The following CUBN variants were observed in gnomAD, a reference collection of about 807,000 sequenced individuals.
CUBN encodes 460 kDa receptor.
Under a neutral mutation model 405.3 loss-of-function variants are expected in CUBN, and 282 were observed. The ratio of observed to expected loss-of-function variants is 0.70; its 90% CI spans 0.63 to 0.77. CUBN has a LOEUF of 0.77. CUBN is among the 30% of genes least tolerant of loss of function. The pLI, the probability that CUBN is intolerant of heterozygous loss-of-function variation, is 0.00. For synonymous variants in CUBN, 1,684 were observed against 1,617.0 expected (o/e 1.04, Z -0.99); for missense variants, 4,514 against 4,475.2 (o/e 1.01, Z -0.25).
intron 57 of CUBN, among the ~76,000 whole-genome samples, chr10:16,876,452 T>C (rs1840503900): frequency 1.3e-5 from 2 of 152,166 alleles, no homozygotes; most frequent in African/African-American, 2.4e-5. Context: ...TTGGGCATAG[T>C]GTTTTAAAAA....
chr10:16,907,547 C>A lies in CUBN; in HGVS notation c.7666G>T (p.Gly2556Cys). Reference protein sequence around the residue: ...IFFTDGSRPYGGFTASYTSSE... With the variant: ...IFFTDGSRPYCGFTASYTSSE... ...GAGGTATAGGAAGCAGTGAAGCCGC[C>A]ATATGGCCTGGATCCATCCGTGAAA... The change falls in exon 49 of 67, where the codon GGC becomes TGC. Residue 2556 changes from glycine to cysteine, a missense_variant. Coordinates refer to ENST00000377833, the MANE Select transcript of CUBN (RefSeq NM_001081.4). The A allele has an allele frequency of 2.5e-6, 4 of 1,614,126 alleles. No individual in the cohort carries two copies. The Admixed American group carries it at 6.7e-5, about 27-fold the overall frequency.
intron 2 of CUBN, 46 bp downstream of exon 2, chr10:17,129,075 G>A (rs183642377): frequency 1.3e-4 from 192 of 1,501,728 alleles, no homozygotes; most frequent in Admixed American, 5.5e-4. Flanking sequence ...TTAAGTCACC[G>A]TATATGGATA....
At chr10:17,128,892 A>C (rs1358106105) in intron 2 of CUBN, among the ~76,000 whole-genome samples, 2 of 152,214 alleles carry the variant, frequency 1.3e-5, no homozygotes, top group Non-Finnish European at 1.5e-5. Context: ...AATAACTAGA[A>C]GAGAACAATT....
intron 31 of CUBN, among the ~76,000 whole-genome samples, chr10:16,971,814 A>T (rs1707286): frequency 0.82 from 123,467 of 151,156 alleles, 51,198 homozygotes; most frequent in Non-Finnish European, 0.9. Context: ...CATTTTTTTT[A>T]AAAAACCAAC....
chr10:17,092,072 C>G (rs992139424), intron 14 of CUBN, among the ~76,000 whole-genome samples: 2 of 152,122 alleles, frequency 1.3e-5, no homozygotes, highest in Non-Finnish European at 2.9e-5. Context: ...ATCTTCCTGG[C>G]AAACCCCACA....
intron 36 of CUBN, among the ~76,000 whole-genome samples, chr10:16,943,311 G>A (rs1321044245): frequency 1.3e-5 from 2 of 152,160 alleles, no homozygotes; most frequent in East Asian, 1.9e-4. Flanking sequence ...AGACTAGATG[G>A]AATTTTCACA....
intron 28 of CUBN, among the ~76,000 whole-genome samples, chr10:17,014,574 T>G (rs1392133643): frequency 6.6e-6 from 1 of 152,222 alleles, no homozygotes; most frequent in Admixed American, 6.5e-5. Context: ...CTGGTCCCTC[T>G]GGCTAAGATT....
chr10:16,888,272 G>A, intron 56 of CUBN, 145 bp downstream of exon 56: 1 of 683,028 alleles, frequency 1.5e-6, no homozygotes, highest in African/African-American at 1.8e-5. Context: ...CACAAAAAGT[G>A]CTAAGTAAGT....
chr10:16,982,402 A>G lies in CUBN; in HGVS notation c.4695+82T>C. The G allele has an allele frequency of 1.6e-6, 2 of 1,222,592 alleles. 1 individual carries two copies. The highest frequency in any genetic ancestry group is 2.4e-6 in the Non-Finnish European group (2 of 831,484). 75.7% of individuals were successfully genotyped at this position (1,222,592 alleles called of 1,614,324 possible). A position where few individuals can be genotyped will look rare whatever the true frequency, so the allele number is the denominator to read the frequency against. On this transcript the variant is annotated intron_variant, in intron 31 of 66. Coordinates refer to ENST00000377833, the MANE Select transcript of CUBN (RefSeq NM_001081.4). ...TCGACATTAAAAACACCCATAAGTAATACATTCACTAAATATGCTTATATG... is the reference window on the plus strand; with the variant it reads ...TCGACATTAAAAACACCCATAAGTAGTACATTCACTAAATATGCTTATATG...
At chr10:17,067,550 G>A (rs1187229517) in intron 21 of CUBN, among the ~76,000 whole-genome samples, 1 of 152,102 alleles carries the variant, frequency 6.6e-6, no homozygotes, top group Non-Finnish European at 1.5e-5. Flanking sequence ...CATGAAATCA[G>A]AGTCCCTAAT....
At chr10:17,008,354 G>T (rs543116029) in intron 28 of CUBN, among the ~76,000 whole-genome samples, 4,210 of 125,434 alleles carry the variant, frequency 0.034, 90 homozygotes, top group Non-Finnish European at 0.048. Context: ...GTGTGTGTGT[G>T]GTGTGTGTGT....
intron 22 of CUBN, among the ~76,000 whole-genome samples, chr10:17,065,261 G>GA (rs1181368848): frequency 6.6e-5 from 10 of 151,688 alleles, no homozygotes; most frequent in Admixed American, 6.6e-5. Flanking sequence ...CCTAAGGGAA[G>GA]AAAAAACGTT....
intron 48 of CUBN, 111 bp downstream of exon 48, chr10:16,913,700 A>T (rs1267055336): frequency 2.5e-6 from 3 of 1,178,140 alleles, no homozygotes; most frequent in Admixed American, 1.7e-5. Flanking sequence ...TGTCTGAGTT[A>T]TAGTTGCATA....
At chr10:17,029,296 G>T (rs961647472) in intron 27 of CUBN, among the ~76,000 whole-genome samples, 1 of 152,160 alleles carries the variant, frequency 6.6e-6, no homozygotes, top group African/African-American at 2.4e-5. Context: ...GAAAAGATCA[G>T]CATTTCTTTT....
At chr10:16,970,669 T>C (rs144222423) in intron 31 of CUBN, among the ~76,000 whole-genome samples, 3 of 152,224 alleles carry the variant, frequency 2.0e-5, no homozygotes, top group African/African-American at 7.2e-5. Flanking sequence ...ATCCTGTACA[T>C]AACTGCAATT....
chr10:16,847,834 A>G (rs180968987), intron 60 of CUBN, among the ~76,000 whole-genome samples: 5 of 152,372 alleles, frequency 3.3e-5, no homozygotes, highest in Middle Eastern at 6.8e-3. Context: ...TTACTTGTGT[A>G]TCTACCACAG....
chr10:17,097,374 A>G (rs937253124), intron 14 of CUBN, among the ~76,000 whole-genome samples: 2 of 152,140 alleles, frequency 1.3e-5, no homozygotes, highest in African/African-American at 4.8e-5. Context: ...TAAACTCTGA[A>G]TAGATCTATA....
intron 14 of CUBN, among the ~76,000 whole-genome samples, chr10:17,091,798 T>C (rs1320420475): frequency 6.6e-6 from 1 of 152,142 alleles, no homozygotes; most frequent in African/African-American, 2.4e-5. Flanking sequence ...TAAGCACCAG[T>C]TTACAAACAA....
chr10:16,876,841 G>T, intron 57 of CUBN, 56 bp downstream of exon 57: 2 of 1,448,030 alleles, frequency 1.4e-6, no homozygotes, highest in Non-Finnish European at 1.9e-6. Context: ...AAAACTCTTT[G>T]TATACATTAC....
Sources: allele counts gnomAD v4.1 joint callset (sites outside exome capture counted in the v4.1 genomes callset), GRCh38; gene constraint gnomAD v4.1.1; transcripts MANE v1.5; gene names NCBI Gene and HGNC (gene_info 2026-07-23, HGNC 2026-07-21).